The following ABCG2 variants were observed in gnomAD, a reference collection of about 807,000 sequenced individuals.
ABCG2 encodes broad substrate specificity ATP-binding cassette transporter ABCG2.
Under a neutral mutation model 73.5 loss-of-function variants are expected in ABCG2, and 80 were observed. The observed-to-expected ratio is 1.09, with a 90% CI of 0.91 to 1.31. The LOEUF is 1.31. Among genes scored for constraint, ABCG2 ranks in the 50% most tolerant of loss-of-function variants. The pLI, the probability that ABCG2 is intolerant of heterozygous loss-of-function variation, is 0.00. For synonymous variants in ABCG2, 269 were observed against 282.4 expected (o/e 0.95, Z 0.48); for missense variants, 796 against 786.2 (o/e 1.01, Z -0.15).
chr4:88,165,561 T>C (rs986260573), intron 1 of ABCG2, among the ~76,000 whole-genome samples: 1 of 152,154 alleles, frequency 6.6e-6, no homozygotes, highest in African/African-American at 2.4e-5. Context: ...GCCAGGATAA[T>C]CTCCCTATTT....
chr4:88,178,616 T>C (rs1331648833), intron 1 of ABCG2, among the ~76,000 whole-genome samples: 1 of 152,184 alleles, frequency 6.6e-6, no homozygotes, highest in African/African-American at 2.4e-5. Context: ...AAATGGGCTC[T>C]TGGGGTCCCT....
chr4:88,197,199 A>T (rs1021917349), intron 1 of ABCG2, among the ~76,000 whole-genome samples: 2 of 150,166 alleles, frequency 1.3e-5, no homozygotes, highest in Non-Finnish European at 3.0e-5. Context: ...TTCAACAACA[A>T]AAAAAAAAAA....
intron 1 of ABCG2, among the ~76,000 whole-genome samples, chr4:88,152,517 C>G (rs540402200): frequency 2.2e-4 from 34 of 151,920 alleles, no homozygotes; most frequent in Admixed American, 1.1e-3. Flanking sequence ...AGGGGTGGGG[C>G]GTCACAGGGT....
At chr4:88,112,232 C>G (rs1029837408) in intron 9 of ABCG2, among the ~76,000 whole-genome samples, 2 of 152,218 alleles carry the variant, frequency 1.3e-5, no homozygotes, top group Admixed American at 6.5e-5. Context: ...TAGCCTTGTT[C>G]TGTGAACTCA....
At position 88,107,201 on chromosome 4, in the gene ABCG2, A is replaced by G; in HGVS notation, c.1260T>C (p.Ser420=). 3.1e-6 allele frequency: 5 copies of G among 1,612,600 alleles called. No homozygotes were observed. Among genetic ancestry groups the G allele is most frequent in the Non-Finnish European group, 4.2e-6 (5 of 1,178,906 alleles). Residue 420 remains serine (S), a synonymous_variant, in exon 10 of 16, where the codon TCT becomes TCC. Transcript: ENST00000237612. Reference sequence around the variant, plus strand: ...TTACTTACCTGTTCTGGATTCCAGTAGAATCATTTTTTAGCCCAAAGTAAA... The same window carrying G: ...TTACTTACCTGTTCTGGATTCCAGTGGAATCATTTTTTAGCCCAAAGTAAA... The part of the protein sequence containing the change: ...GAIYFGLKND[S]TGIQNRAGVL...
intron 1 of ABCG2, among the ~76,000 whole-genome samples, chr4:88,216,163 G>C (rs144018710): frequency 3.0e-4 from 46 of 152,306 alleles, no homozygotes; most frequent in African/African-American, 1.1e-3. Flanking sequence ...ACAGAACCTT[G>C]AGCGATATAT....
intron 1 of ABCG2, 28 bp from the exon 2 acceptor site, chr4:88,140,042 G>C (rs1325137755): frequency 6.4e-6 from 10 of 1,563,146 alleles, no homozygotes; most frequent in Non-Finnish European, 8.7e-6. Flanking sequence ...ATAGTAAGTT[G>C]ATAGTCCAGA....
At chr4:88,152,647 T>C (rs1726586490) in intron 1 of ABCG2, among the ~76,000 whole-genome samples, 1 of 152,146 alleles carries the variant, frequency 6.6e-6, no homozygotes, top group Non-Finnish European at 1.5e-5. Context: ...TGTCATCAGT[T>C]AAGGCAGGAA....
intron 1 of ABCG2, among the ~76,000 whole-genome samples, chr4:88,209,663 AAAAACAAAAAAC>A (rs1039077361): frequency 3.3e-5 from 5 of 151,916 alleles, no homozygotes; most frequent in African/African-American, 1.2e-4. Context: ...TGTCTCAAAA[AAAAACAAAAAAC>A]AAAACAAAAA....
At chr4:88,118,444 A>G (rs1723748384) in intron 6 of ABCG2, among the ~76,000 whole-genome samples, 184 bp from the exon 7 acceptor site, 1 of 152,264 alleles carries the variant, frequency 6.6e-6, no homozygotes, top group Non-Finnish European at 1.5e-5. Context: ...TTATTAAAAC[A>G]GAATAGGAAT....
intron 1 of ABCG2, among the ~76,000 whole-genome samples, chr4:88,186,918 C>CAAAAAAAAA (rs35676506): frequency 1.3e-5 from 1 of 76,306 alleles, no homozygotes; most frequent in African/African-American, 5.9e-5. Flanking sequence ...GACTCCGTCT[C>CAAAAAAAAA]AAAAAAAAAA....
intron 1 of ABCG2, among the ~76,000 whole-genome samples, chr4:88,227,692 T>A (rs977782780): frequency 6.6e-6 from 1 of 152,104 alleles, no homozygotes; most frequent in African/African-American, 2.4e-5. Context: ...AGCATTACTG[T>A]CAAATATTTT....
intron 1 of ABCG2, among the ~76,000 whole-genome samples, chr4:88,166,699 G>A (rs1228370670): frequency 6.6e-6 from 1 of 152,182 alleles, no homozygotes; most frequent in African/African-American, 2.4e-5. Flanking sequence ...TGAAGGTAAA[G>A]GGTTAGATAA....
chr4:88,160,133 C>T (rs746441134), upstream of ABCG2, among the ~76,000 whole-genome samples: 28 of 151,620 alleles, frequency 1.8e-4, no homozygotes, highest in Non-Finnish European at 3.5e-4. Context: ...CCCAGCTACT[C>T]GCGAGGCTAA....
upstream of ABCG2, chr4:88,159,201 G>A (rs1305669987): frequency 2.2e-6 from 1 of 456,310 alleles, no homozygotes; most frequent in African/African-American, 2.0e-5. Context: ...GGGCTGATCA[G>A]TACCTCGTCT....
At chr4:88,217,086 T>A (rs182653740) in intron 1 of ABCG2, among the ~76,000 whole-genome samples, 2 of 152,234 alleles carry the variant, frequency 1.3e-5, no homozygotes, top group East Asian at 3.9e-4. Context: ...GAGCTTCTAC[T>A]AATACCACTG....
chr4:88,169,029 A>G (rs892321697), intron 1 of ABCG2, among the ~76,000 whole-genome samples: 8 of 148,812 alleles, frequency 5.4e-5, no homozygotes, highest in Non-Finnish European at 1.2e-4. Context: ...AAAACTGTAT[A>G]TAAATGAAGT....
chr4:88,186,779 C>T (rs986289784), intron 1 of ABCG2, among the ~76,000 whole-genome samples: 4 of 150,756 alleles, frequency 2.7e-5, no homozygotes, highest in Non-Finnish European at 5.9e-5. Flanking sequence ...ATTAGCCGGG[C>T]GTAGTGGCGG....
chr4:88,139,833 A>C lies in ABCG2; in HGVS notation c.163T>G (p.Cys55Gly). ...ATTTCTTTCTCAACTGGTTTTCGAC[A>C]AGGTAGAAAGCCACTCTTCAGTTTT... The part of the protein sequence containing the change: ...RVKLKSGFLP[C>G]RKPVEKEILS... The change falls in exon 2 of 16, where the codon TGT becomes GGT. Residue 55 changes from cysteine to glycine, a missense_variant. Physicochemically the swap from Cys to Gly is radical, Grantham distance 159. Transcript: ENST00000237612. The C allele has an allele frequency of 6.2e-7, 1 of 1,614,140 alleles. No homozygotes were observed. Among genetic ancestry groups the C allele is most frequent in the East Asian group, 2.2e-5 (1 of 44,884 alleles).
Sources: gnomAD v4.1 joint callset for allele counts (sites outside exome capture counted in the v4.1 genomes callset) on GRCh38, gnomAD v4.1.1 for gene constraint, MANE v1.5 for transcripts, NCBI Gene and HGNC (gene_info 2026-07-23, HGNC 2026-07-21) for gene names.